The following KAZN variants were observed in gnomAD, a reference collection of about 807,000 sequenced individuals.
The protein encoded by KAZN is kazrin.
KAZN carries 40 observed loss-of-function variants against 87.4 expected under a neutral mutation model. The ratio of observed to expected loss-of-function variants is 0.46; its 90% CI spans 0.36 to 0.60. The LOEUF (loss-of-function observed/expected upper bound fraction) is 0.60, where lower values mean the gene tolerates loss of function less well. Ranked by LOEUF, KAZN falls within the 20% of genes least tolerant of loss-of-function variation. The pLI is 0.00. For synonymous variants in KAZN, 466 were observed against 458.3 expected (o/e 1.02, Z -0.22); for missense variants, 898 against 1,073.9 (o/e 0.84, Z 2.29).
At chr1:14,355,010 G>A (rs970350027) in intron 2 of KAZN, among the ~76,000 whole-genome samples, 5 of 151,948 alleles carry the variant, frequency 3.3e-5, no homozygotes, top group Non-Finnish European at 7.4e-5. Context: ...ATATTACTGA[G>A]CAATTAAAAA....
At chr1:14,089,858 G>T (rs1003470025) in intron 1 of KAZN, among the ~76,000 whole-genome samples, 1 of 152,048 alleles carries the variant, frequency 6.6e-6, no homozygotes, top group Non-Finnish European at 1.5e-5. Flanking sequence ...GGCTGAAAAA[G>T]ACCCTTTCTC....
intron 2 of KAZN, among the ~76,000 whole-genome samples, chr1:14,484,939 A>G (rs1279804189): frequency 2.0e-5 from 3 of 152,180 alleles, no homozygotes; most frequent in African/African-American, 7.2e-5. Flanking sequence ...GCCAAAGCAA[A>G]TCACACGCTG....
chr1:14,904,134 C>G (rs1317287963), intron 1 of KAZN, among the ~76,000 whole-genome samples: 1 of 152,126 alleles, frequency 6.6e-6, no homozygotes, highest in Non-Finnish European at 1.5e-5. Context: ...TCAGCTCAGC[C>G]ACTTCCTAGT....
intron 2 of KAZN, among the ~76,000 whole-genome samples, chr1:14,999,118 C>T (rs931229092): frequency 5.9e-5 from 9 of 152,156 alleles, no homozygotes; most frequent in African/African-American, 9.7e-5. Context: ...CCCAGGAGTT[C>T]GAGACTGCAG....
intron 2 of KAZN, among the ~76,000 whole-genome samples, chr1:15,018,627 C>T (rs930094628): frequency 2.0e-5 from 3 of 150,288 alleles, no homozygotes; most frequent in East Asian, 3.9e-4. Context: ...TCCTTTCTTC[C>T]TCTACTAAAT....
chr1:14,589,282 T>C (rs1173282594), intron 2 of KAZN, among the ~76,000 whole-genome samples: 1 of 147,800 alleles, frequency 6.8e-6, no homozygotes, highest in African/African-American at 2.5e-5. Flanking sequence ...GAGTTCCAAA[T>C]ATGATATCGT....
intron 2 of KAZN, among the ~76,000 whole-genome samples, chr1:14,972,617 C>T (rs940278401): frequency 5.9e-5 from 9 of 151,792 alleles, no homozygotes; most frequent in South Asian, 2.1e-4. Context: ...CGAGTTCCGG[C>T]GATTCTCCTA....
intron 1 of KAZN, among the ~76,000 whole-genome samples, chr1:14,899,963 T>TA (rs1655678506): frequency 6.6e-6 from 1 of 152,214 alleles, no homozygotes; most frequent in Admixed American, 6.5e-5. Context: ...TCTTCTCAAG[T>TA]AATGTCTGTC....
At position 13,898,525 on chromosome 1, in the gene KAZN, C is replaced by T. The variant is rs147684609; in HGVS notation, c.91+4769C>T. On this transcript the variant is annotated intron_variant, in intron 1 of 16. Transcript: ENST00000636203. ...ACCCAAACAACTAAAGTCATTTTAT[C>T]TAATATGTCCTGCTGACGCTGCATG... is the stretch of plus-strand genomic sequence containing the variant. 6.2e-4 allele frequency among the ~76,000 whole-genome samples: 95 copies of T among 152,328 alleles called. 1 individual carries two copies. The highest frequency in any genetic ancestry group is 4.4e-3 in the Admixed American group (68 of 15,296).
At chr1:14,763,543 G>A (rs1003486496) in intron 1 of KAZN, among the ~76,000 whole-genome samples, 2 of 152,194 alleles carry the variant, frequency 1.3e-5, no homozygotes, top group Admixed American at 6.5e-5. Context: ...TCACGCAAAG[G>A]CATTGTTCTT....
At chr1:13,947,055 C>G (rs1641173737) in intron 1 of KAZN, among the ~76,000 whole-genome samples, 1 of 152,120 alleles carries the variant, frequency 6.6e-6, no homozygotes, top group South Asian at 2.1e-4. Flanking sequence ...CCTCTGATCT[C>G]TGCCCCCATG....
intron 2 of KAZN, among the ~76,000 whole-genome samples, chr1:14,477,559 G>A (rs551485269): frequency 6.6e-6 from 1 of 152,100 alleles, no homozygotes; most frequent in African/African-American, 2.4e-5. Context: ...TACAAGGCTT[G>A]TGCGTCTCTT....
intron 1 of KAZN, among the ~76,000 whole-genome samples, chr1:14,887,167 C>T (rs1654162350): frequency 6.6e-6 from 1 of 152,228 alleles, no homozygotes; most frequent in South Asian, 2.1e-4. Context: ...TTCCTTCCTG[C>T]TTCCCCTTAA....
intron 1 of KAZN, among the ~76,000 whole-genome samples, chr1:13,928,216 T>A (rs554362145): frequency 1.3e-5 from 2 of 152,332 alleles, no homozygotes; most frequent in African/African-American, 4.8e-5. Context: ...CTCCTGAAAG[T>A]GCTTTCTCAT....
chr1:14,042,557 A>T (rs1007294690), intron 1 of KAZN, among the ~76,000 whole-genome samples: 4 of 152,058 alleles, frequency 2.6e-5, no homozygotes, highest in African/African-American at 9.7e-5. Context: ...TGCTCACTCA[A>T]TCTATTTTAT....
intron 1 of KAZN, among the ~76,000 whole-genome samples, chr1:14,077,385 AAAG>A (rs1479257738): frequency 2.0e-5 from 3 of 152,208 alleles, no homozygotes; most frequent in African/African-American, 2.4e-5. Context: ...TTGGGAAGGC[AAAG>A]AAGACACCCT....
chr1:15,060,571 ACT>A, intron 6 of KAZN: 1 of 467,784 alleles, frequency 2.1e-6, no homozygotes, highest in East Asian at 3.9e-5. Context: ...ACAGCCTGGA[ACT>A]CTGCCCCAGT....
At chr1:14,942,463 A>C (rs933194388) in intron 1 of KAZN, among the ~76,000 whole-genome samples, 2 of 152,218 alleles carry the variant, frequency 1.3e-5, no homozygotes, top group South Asian at 2.1e-4. Context: ...ACCCGCTCCA[A>C]ACGTTAACAC....
chr1:14,424,037 C>G lies in KAZN; in HGVS notation c.250-174946C>G, dbSNP rs935001367. The stretch of plus-strand genomic sequence containing the variant: ...CCTTAAGCCCATCCTGGACACTTCT[C>G]TGACCCAATACAACAAATTCCACTT... On this transcript the variant is annotated intron_variant, in intron 2 of 16. Transcript: ENST00000636203. 2.0e-5 allele frequency among the ~76,000 whole-genome samples: 3 copies of G among 152,218 alleles called. No homozygotes were observed. In the East Asian group the frequency reaches 5.8e-4, roughly 29 times the overall value.
Sources: gnomAD v4.1 joint callset for allele counts (sites outside exome capture counted in the v4.1 genomes callset) on GRCh38, gnomAD v4.1.1 for gene constraint, MANE v1.5 for transcripts, NCBI Gene and HGNC (gene_info 2026-07-23, HGNC 2026-07-21) for gene names.